The following ATP6V1E2 variants were observed in gnomAD, a reference collection of about 807,000 sequenced individuals.
The protein encoded by ATP6V1E2 is ATPase H+ transporting V1 subunit E2.
For synonymous variants in ATP6V1E2, 121 were observed against 104.2 expected (o/e 1.16, Z -0.98); for missense variants, 308 against 273.3 (o/e 1.13, Z -0.90).
At chr2:46,513,532 T>C (rs1336814756) in intron 4 of ATP6V1E2, among the ~76,000 whole-genome samples, 2 of 152,152 alleles carry the variant, frequency 1.3e-5, no homozygotes, top group African/African-American at 4.8e-5. Flanking sequence ...AGCTTTTATT[T>C]AAAAACTTTA....
Position 46,512,617 on chromosome 2 carries a change from G to A in ATP6V1E2, c.95C>T (p.Ala32Val). 1.2e-6 allele frequency: 2 copies of A among 1,614,140 alleles called. No individual in the cohort carries two copies. The highest frequency in any genetic ancestry group is 1.7e-6 in the Non-Finnish European group (2 of 1,180,040). Residue 32 changes from alanine to valine, a missense_variant, in exon 5 of 5, where the codon GCC (alanine) becomes GTC (valine). Physicochemically the swap from Ala to Val is moderately conservative, Grantham distance 64. Transcript: ENST00000522587. ...EANEKAEEID[A>V]KAEEEFNIEK... is the part of the protein sequence containing the mutation. ...AATGTTAAACTCTTCCTCAGCCTTG[G>A]CATCGATTTCCTCTGCTTTCTCATT...
At chr2:46,520,001 T>G (rs149387025) in intron 4 of ATP6V1E2, 1 of 152,264 alleles carries the variant, frequency 6.6e-6, no homozygotes, top group Non-Finnish European at 1.5e-5. Flanking sequence ...AGGTGACCAG[T>G]CATATCCTTT....
At chr2:46,518,758 T>G (rs1318863664) in intron 4 of ATP6V1E2, among the ~76,000 whole-genome samples, 5 of 140,714 alleles carry the variant, frequency 3.6e-5, no homozygotes, top group Non-Finnish European at 6.2e-5. Context: ...CAAGTCAATT[T>G]TGTGTGTGTG....
chr2:46,531,237 G>T (rs984856307), intron 4 of ATP6V1E2, among the ~76,000 whole-genome samples: 3 of 152,148 alleles, frequency 2.0e-5, no homozygotes, highest in Non-Finnish European at 4.4e-5. Context: ...TTCTGTCTAT[G>T]AATTTACCTG....
chr2:46,538,782 G>A (rs990531061), intron 2 of ATP6V1E2, among the ~76,000 whole-genome samples: 2 of 152,172 alleles, frequency 1.3e-5, no homozygotes, highest in Non-Finnish European at 1.5e-5. Context: ...TAGCAAAAGA[G>A]GAGAAACTCC....
Position 46,511,936 on chromosome 2 carries a change from C to T in ATP6V1E2, c.*95G>A. ...GAAGAAAAACAGAACAGTATCAGAG[C>T]ATCAAAGAGGAGGAAACACTACTAG... On this transcript the variant is annotated 3_prime_UTR_variant, in exon 5 of 5. Coordinates refer to ENST00000522587, the MANE Select transcript of ATP6V1E2 (RefSeq NM_001318063.2). The T allele has an allele frequency of 9.1e-7, 1 of 1,101,770 alleles. No homozygotes were observed. Among genetic ancestry groups the T allele is most frequent in the Non-Finnish European group, 1.3e-6 (1 of 772,946 alleles). The allele number at this position is 1,101,770 out of a possible 1,614,324, so 68.2% of individuals were successfully genotyped here. A position where few individuals can be genotyped will look rare whatever the true frequency, so the allele number is the denominator to read the frequency against.
chr2:46,512,304 G>T lies in ATP6V1E2; in HGVS notation c.408C>A (p.Cys136Ter). The T allele has an allele frequency of 6.2e-7, 1 of 1,611,400 alleles. No homozygotes were observed. Among genetic ancestry groups the T allele is most frequent in the African/African-American group, 1.3e-5 (1 of 74,918 alleles). ...CCACCAGGAGGAGGTCTTGTGGCCG[G>T]CAGCGTACAATCATCACAGGTTCCA... is the stretch of plus-strand genomic sequence containing the variant. ...RLLEPVMIVR[C>*]RPQDLLLVEA... Residue 136 changes from cysteine (C) to a stop codon, truncating the protein, a stop_gained, in exon 5 of 5, where the codon TGC becomes TGA. Transcript: ENST00000522587. LOFTEE classifies it low-confidence loss of function (END_TRUNC).
At chr2:46,528,671 G>A (rs568062899) in intron 4 of ATP6V1E2, among the ~76,000 whole-genome samples, 1 of 152,198 alleles carries the variant, frequency 6.6e-6, no homozygotes, top group Non-Finnish European at 1.5e-5. Context: ...GGGCATCAGA[G>A]GTTCAGACCC....
chr2:46,525,435 C>A (rs1180306108), intron 4 of ATP6V1E2, among the ~76,000 whole-genome samples: 1 of 139,304 alleles, frequency 7.2e-6, no homozygotes, highest in Non-Finnish European at 1.5e-5. Context: ...GCACTCCCGC[C>A]TGGGCGACAG....
intron 4 of ATP6V1E2, among the ~76,000 whole-genome samples, chr2:46,521,772 C>T (rs1666639689): frequency 6.6e-6 from 1 of 152,102 alleles, no homozygotes; most frequent in African/African-American, 2.4e-5. Context: ...CTCACTGCAA[C>T]CTCTGCCTCC....
intron 2 of ATP6V1E2, among the ~76,000 whole-genome samples, chr2:46,539,243 T>C (rs1249283995): frequency 6.6e-6 from 1 of 152,222 alleles, no homozygotes; most frequent in East Asian, 1.9e-4. Context: ...CCCGGGACCA[T>C]AACTGGATAC....
intron 4 of ATP6V1E2, among the ~76,000 whole-genome samples, chr2:46,522,096 T>C (rs1666663687): frequency 6.6e-6 from 1 of 151,882 alleles, no homozygotes; most frequent in Admixed American, 6.6e-5. Flanking sequence ...GAGTTCACAG[T>C]GGGCATCACA....
intron 2 of ATP6V1E2, among the ~76,000 whole-genome samples, chr2:46,538,000 A>C (rs1006513477): frequency 2.0e-5 from 3 of 152,216 alleles, no homozygotes; most frequent in Non-Finnish European, 1.5e-5. Context: ...AGATGAAATC[A>C]TAATGTAGAT....
intron 4 of ATP6V1E2, chr2:46,534,452 T>G (rs921690796): frequency 1.3e-5 from 2 of 152,230 alleles, no homozygotes; most frequent in African/African-American, 4.8e-5. Context: ...AATCCTTGTT[T>G]TATTTTAATT....
chr2:46,516,751 A>C (rs984073811), intron 4 of ATP6V1E2, among the ~76,000 whole-genome samples: 3 of 148,008 alleles, frequency 2.0e-5, no homozygotes, highest in African/African-American at 7.5e-5. Flanking sequence ...AAAAAAAAAA[A>C]CTCTCAAGTT....
intron 4 of ATP6V1E2, among the ~76,000 whole-genome samples, chr2:46,533,279 G>C (rs1667279730): frequency 6.6e-6 from 1 of 151,252 alleles, no homozygotes; most frequent in Admixed American, 6.6e-5. Flanking sequence ...TTTTTGTTTT[G>C]TTTTGTTTTT....
chr2:46,541,318 C>G (rs1466675767), intron 2 of ATP6V1E2, 72 bp downstream of exon 2: 1 of 152,266 alleles, frequency 6.6e-6, no homozygotes, highest in East Asian at 1.9e-4. Context: ...ATGCGCATAC[C>G]TAGTCGCAGA....
intron 4 of ATP6V1E2, among the ~76,000 whole-genome samples, chr2:46,529,450 T>C (rs896887895): frequency 1.3e-5 from 2 of 152,228 alleles, no homozygotes; most frequent in African/African-American, 2.4e-5. Context: ...GTCTAGTACA[T>C]AGCAGTAGCT....
At chr2:46,532,074 T>C (rs1333623116) in intron 4 of ATP6V1E2, among the ~76,000 whole-genome samples, 2 of 152,260 alleles carry the variant, frequency 1.3e-5, no homozygotes, top group Non-Finnish European at 1.5e-5. Context: ...TTTGTTGTTA[T>C]GCTTTTGACA....
Sources: allele counts gnomAD v4.1 joint callset (sites outside exome capture counted in the v4.1 genomes callset), GRCh38; gene constraint gnomAD v4.1.1; transcripts MANE v1.5; gene names NCBI Gene and HGNC (gene_info 2026-07-23, HGNC 2026-07-21).